Variants in PTPRK observed in about 807,000 individuals in gnomAD.
The protein encoded by PTPRK is receptor-type tyrosine-protein phosphatase kappa.
Under a neutral mutation model 178.0 loss-of-function variants are expected in PTPRK, and 75 were observed. The observed-to-expected ratio is 0.42, with a 90% confidence interval of 0.35 to 0.51. The LOEUF is 0.51. Among genes scored for constraint, PTPRK ranks in the 20% least tolerant of loss-of-function variants. PTPRK has a pLI of 0.02. For missense variants in PTPRK, 1,441 were observed against 1,797.8 expected, an observed-to-expected ratio of 0.80 and a Z score of 3.59; for synonymous variants, 637 against 620.6, an observed-to-expected ratio of 1.03 and a Z score of -0.39.
intron 2 of PTPRK, among the ~76,000 whole-genome samples, chr6:128,335,600 A>G (rs1830808887): frequency 6.6e-6 from 1 of 152,072 alleles, no homozygotes; most frequent in Non-Finnish European, 1.5e-5. Flanking sequence ...TAGAGAAAAT[A>G]GGGTTATTTT....
chr6:128,036,390 A>T (rs1201863315), intron 13 of PTPRK, among the ~76,000 whole-genome samples: 2 of 152,204 alleles, frequency 1.3e-5, no homozygotes, highest in Non-Finnish European at 2.9e-5. Flanking sequence ...CTTTGTAGGT[A>T]AGAAATGATA....
At chr6:128,218,642 G>A (rs1809802033) in intron 6 of PTPRK, among the ~76,000 whole-genome samples, 1 of 152,176 alleles carries the variant, frequency 6.6e-6, no homozygotes, top group Non-Finnish European at 1.5e-5. Flanking sequence ...ACGAGGTGAT[G>A]ACAATGTGGA....
intron 1 of PTPRK, among the ~76,000 whole-genome samples, chr6:128,470,446 G>C (rs898318766): frequency 6.6e-6 from 1 of 151,762 alleles, no homozygotes; most frequent in Non-Finnish European, 1.5e-5. Context: ...TCAATCCAAC[G>C]TAAGTTCACA....
At chr6:128,096,200 G>A (rs535128953) in intron 7 of PTPRK, among the ~76,000 whole-genome samples, 3 of 152,264 alleles carry the variant, frequency 2.0e-5, no homozygotes, top group Admixed American at 6.5e-5. Context: ...ATTTATGCCT[G>A]TAATAACTTA....
At chr6:127,975,194 GT>G (rs1160520964) in intron 27 of PTPRK, among the ~76,000 whole-genome samples, 1 of 152,124 alleles carries the variant, frequency 6.6e-6, no homozygotes, top group Non-Finnish European at 1.5e-5. Context: ...TAACATTTCA[GT>G]TCCTGTTCCT....
intron 1 of PTPRK, among the ~76,000 whole-genome samples, chr6:128,457,592 T>C (rs1848553286): frequency 2.0e-5 from 3 of 152,146 alleles, no homozygotes; most frequent in South Asian, 2.1e-4. Context: ...TATGAATTTG[T>C]CCCAGAAAAC....
At chr6:128,428,619 TA>T (rs962333867) in intron 1 of PTPRK, among the ~76,000 whole-genome samples, 3 of 152,154 alleles carry the variant, frequency 2.0e-5, no homozygotes, top group African/African-American at 7.2e-5. Flanking sequence ...CCAGACAAAC[TA>T]ACAGCAAGTA....
intron 7 of PTPRK, among the ~76,000 whole-genome samples, chr6:128,120,780 T>C (rs1792331433): frequency 6.6e-6 from 1 of 151,924 alleles, no homozygotes; most frequent in African/African-American, 2.4e-5. Context: ...ATGTACTTAA[T>C]TTCAATTGTT....
chr6:128,118,111 C>T (rs567112044), intron 7 of PTPRK, among the ~76,000 whole-genome samples: 1 of 152,242 alleles, frequency 6.6e-6, no homozygotes, highest in African/African-American at 2.4e-5. Context: ...TTATGAAATG[C>T]TCATAGGCAA....
intron 1 of PTPRK, among the ~76,000 whole-genome samples, chr6:128,498,176 G>A (rs1257074985): frequency 1.3e-5 from 2 of 152,110 alleles, no homozygotes; most frequent in Non-Finnish European, 2.9e-5. Flanking sequence ...TCACAGCCTA[G>A]CTTCCATTCC....
rs185365133 is a variant in PTPRK at position 128,355,240 on chromosome 6, G to A, written c.224-32930C>T. On this transcript the variant is annotated intron_variant, in intron 2 of 29. Coordinates refer to ENST00000368226, the MANE Select transcript of PTPRK (RefSeq NM_002844.4). Reference sequence around the variant, plus strand: ...CAACTGAGTTCAGTAATTATGCAACGTCCAAAAGTGAGAATAAAGGGTAAA... The same window carrying A: ...CAACTGAGTTCAGTAATTATGCAACATCCAAAAGTGAGAATAAAGGGTAAA... Among the ~76,000 whole-genome samples the A allele has an allele frequency of 3.3e-3, 506 of 152,252 alleles. 3 individuals carry two copies. Among genetic ancestry groups the A allele is most frequent in the African/African-American group, 0.012 (485 of 41,544 alleles).
At chr6:128,429,468 C>T (rs1018107172) in intron 1 of PTPRK, among the ~76,000 whole-genome samples, 1 of 152,168 alleles carries the variant, frequency 6.6e-6, no homozygotes, top group African/African-American at 2.4e-5. Context: ...AATACAAAAA[C>T]CTTCTTGGCT....
At chr6:128,275,558 T>C (rs1254443479) in intron 3 of PTPRK, among the ~76,000 whole-genome samples, 2 of 152,014 alleles carry the variant, frequency 1.3e-5, no homozygotes, top group Admixed American at 6.6e-5. Flanking sequence ...GTTTTAATAA[T>C]GGTTACAGTA....
intron 7 of PTPRK, among the ~76,000 whole-genome samples, chr6:128,119,941 C>G (rs963559903): frequency 2.0e-5 from 3 of 151,886 alleles, no homozygotes; most frequent in African/African-American, 7.2e-5. Flanking sequence ...CAAAATAGTT[C>G]CTATCCTTCT....
intron 26 of PTPRK, 44 bp downstream of exon 26, chr6:127,976,879 T>C (rs369481944): frequency 1.9e-6 from 3 of 1,612,392 alleles, no homozygotes; most frequent in East Asian, 2.2e-5. Flanking sequence ...TACTACTCTA[T>C]TAAGTTGTAT....
intron 6 of PTPRK, among the ~76,000 whole-genome samples, chr6:128,198,185 G>C (rs1805258585): frequency 6.6e-6 from 1 of 152,126 alleles, no homozygotes; most frequent in Non-Finnish European, 1.5e-5. Context: ...TAAGTTTTAT[G>C]ATGCAGCAGG....
chr6:128,364,023 C>T (rs141859386), intron 2 of PTPRK, among the ~76,000 whole-genome samples: 3 of 151,998 alleles, frequency 2.0e-5, no homozygotes, highest in Middle Eastern at 3.4e-3. Flanking sequence ...GATGAGAGAA[C>T]CAAAACTATA....
chr6:128,066,367 C>A (rs888057301), intron 12 of PTPRK, among the ~76,000 whole-genome samples: 5 of 152,132 alleles, frequency 3.3e-5, no homozygotes, highest in African/African-American at 1.2e-4. Flanking sequence ...GATGCTGTGG[C>A]CTTTTTCTTT....
At position 128,520,249 on chromosome 6, in the gene PTPRK, G is replaced by A. The variant is rs1015312288; in HGVS notation, c.100+10C>T. The A allele has an allele frequency of 4.4e-6, 7 of 1,577,210 alleles. No individual in the cohort carries two copies. The highest frequency in any genetic ancestry group is 2.6e-6 in the Non-Finnish European group (3 of 1,160,920). On this transcript the variant is annotated intron_variant, in intron 1 of 29. Transcript: ENST00000368226. ...CAGGCGTTCGTCGGGGACGCCCCCC[G>A]GCCACTCACCTGCGGAGAACTGGCC...
Sources: allele counts gnomAD v4.1 joint callset (sites outside exome capture counted in the v4.1 genomes callset), GRCh38; gene constraint gnomAD v4.1.1; transcripts MANE v1.5; gene names NCBI Gene and HGNC (gene_info 2026-07-23, HGNC 2026-07-21).